The following WNT5B variants were observed in gnomAD, a reference collection of about 807,000 sequenced individuals.
WNT5B encodes Wnt family member 5B.
A neutral mutation model predicts 36.5 loss-of-function variants in WNT5B; 18 were observed. The observed-to-expected ratio is 0.49, with a 90% CI of 0.34 to 0.73. The LOEUF (loss-of-function observed/expected upper bound fraction) is 0.73. Ranked by LOEUF, WNT5B falls within the 30% of genes least tolerant of loss-of-function variation. The pLI is 0.01. For synonymous variants in WNT5B, 213 were observed against 212.3 expected (o/e 1.00, Z -0.03); for missense variants, 424 against 508.4 (o/e 0.83, Z 1.60).
chr12:1,636,778 T>G (rs1440408158), intron 3 of WNT5B, among the ~76,000 whole-genome samples: 1 of 151,324 alleles, frequency 6.6e-6, no homozygotes, highest in East Asian at 1.9e-4. Flanking sequence ...TGCAATGGTG[T>G]GATCTCGGCT....
rs145110731 is a variant in WNT5B at position 1,636,857 on chromosome 12, A to G, written c.329-2827A>G. Among the ~76,000 whole-genome samples the G allele has an allele frequency of 3.3e-3, 499 of 152,038 alleles. 11 individuals are homozygous for G. The East Asian group carries it at 0.036, about 11-fold the overall frequency. ...CAGCCTCCTGAGTAGCTGGGATTACAGGCGCCCGCCTGGCTAGTTTTTGTA... is the reference window on the plus strand; with the variant it reads ...CAGCCTCCTGAGTAGCTGGGATTACGGGCGCCCGCCTGGCTAGTTTTTGTA... On this transcript the variant is annotated intron_variant, in intron 3 of 4. Coordinates refer to ENST00000397196, the MANE Select transcript of WNT5B (RefSeq NM_032642.3).
chr12:1,618,694 T>A lies in WNT5B; in HGVS notation c.-58+1551T>A, dbSNP rs1351685730. ...CAGAATAAGACTTCCAGTGGACTTTTGCTTGATACCTGGGGAGAAAATTGT... is the reference window on the plus strand; with the variant it reads ...CAGAATAAGACTTCCAGTGGACTTTAGCTTGATACCTGGGGAGAAAATTGT... On this transcript the variant is annotated intron_variant, in intron 1 of 4. Coordinates refer to the WNT5B transcript ENST00000310594. The surrounding 1 kb of genome is among the most constrained non-coding windows in gnomAD (Gnocchi z 4.1). Among the ~76,000 whole-genome samples the A allele has an allele frequency of 6.6e-6, 1 of 152,200 alleles. No individual in the cohort carries two copies. The highest frequency in any genetic ancestry group is 1.5e-5 in the Non-Finnish European group (1 of 68,030).
rs2094553014 is a variant in WNT5B, at chr12:1,632,634, C to G, written c.81-24C>G. ...TATGCTCACTCCTGGGCCTTTTTTT[C>G]CCCTTTCTGGATTGCTGTCCTAGGT... On this transcript the variant is annotated intron_variant, in intron 2 of 4. Transcript: ENST00000397196. The surrounding 1 kb of genome is among the most constrained non-coding windows in gnomAD (Gnocchi z 5.8). 1 of 1,577,668 alleles carries G rather than the reference C, an allele frequency of 6.3e-7. No individual in the cohort carries two copies. Among genetic ancestry groups the G allele is most frequent in the Admixed American group, 1.8e-5 (1 of 56,050 alleles).
At chr12:1,634,925 C>T (rs1362695845) in intron 3 of WNT5B, among the ~76,000 whole-genome samples, 1 of 152,188 alleles carries the variant, frequency 6.6e-6, no homozygotes. Flanking sequence ...GACGCATGTC[C>T]CTCTAGTAGC....
Position 1,646,277 on chromosome 12 carries a change from C to T in WNT5B, c.*25C>T. 6.3e-7 allele frequency: 1 copy of T among 1,575,126 alleles called. No homozygotes were observed. ...GCCCGGAGGGCCTGCTCCCGGCCCC[C>T]CTGCACTCTGCCTCACAAAGGTCTA... On this transcript the variant is annotated 3_prime_UTR_variant, in exon 5 of 5. Transcript: ENST00000397196.
At chr12:1,635,750 C>T (rs1435365022) in intron 3 of WNT5B, among the ~76,000 whole-genome samples, 1 of 152,246 alleles carries the variant, frequency 6.6e-6, no homozygotes, top group African/African-American at 2.4e-5. Context: ...GCTCTTTGGC[C>T]ATCTTACCAT....
chr12:1,639,711 C>G lies in WNT5B; in HGVS notation c.356C>G (p.Ala119Gly), dbSNP rs759186540. The change falls in exon 4 of 5, where the codon GCG becomes GGG. Residue 119 changes from alanine (A) to glycine (G), a missense_variant. By Grantham distance (60) the Ala-to-Gly change is moderately conservative (BLOSUM62 0). Coordinates refer to ENST00000397196, the MANE Select transcript of WNT5B (RefSeq NM_032642.3). Reference sequence around the variant, plus strand: ...AGCCGAGAGACCGCCTTCACCCACGCGGTGAGCGCCGCGGGCGTGGTCAAC... The same window carrying G: ...AGCCGAGAGACCGCCTTCACCCACGGGGTGAGCGCCGCGGGCGTGGTCAAC... ...IGSRETAFTH[A>G]VSAAGVVNAI... The G allele has an allele frequency of 1.9e-6, 3 of 1,582,808 alleles. No individual in the cohort carries two copies. Among genetic ancestry groups the G allele is most frequent in the East Asian group, 4.6e-5 (2 of 43,748 alleles).
chr12:1,645,810 C>T lies in WNT5B; in HGVS notation c.638C>T (p.Ala213Val), dbSNP rs2094584199. The T allele has an allele frequency of 6.3e-7, 1 of 1,587,976 alleles. No individual in the cohort carries two copies. The highest frequency in any genetic ancestry group is 8.6e-7 in the Non-Finnish European group (1 of 1,164,970). The stretch of plus-strand genomic sequence containing the variant: ...TTCCCCTAGGCTGTGTATAAGATGG[C>T]AGACGTAGCCTGCAAATGCCACGGC... ...EAGRRAVYKM[A>V]DVACKCHGVS... Residue 213 changes from alanine to valine, a missense_variant, in exon 5 of 5, where the codon GCA becomes GTA. Transcript: ENST00000397196.
chr12:1,634,612 T>TC (rs903768831), intron 3 of WNT5B, among the ~76,000 whole-genome samples: 1 of 152,144 alleles, frequency 6.6e-6, no homozygotes, highest in African/African-American at 2.4e-5. Context: ...TGCCTAATTT[T>TC]CCCCCTTCCT....
rs376524231 is a variant in WNT5B, at chr12:1,632,594, T to A, written c.81-64T>A. ...TAAATGTGTTGAATGAATGACTTAA[T>A]GCTGCACACAGGCGTATGCTCACTC... On this transcript the variant is annotated intron_variant, in intron 2 of 4. Coordinates refer to ENST00000397196, the MANE Select transcript of WNT5B (RefSeq NM_032642.3). This position sits in a 1 kb window ranked among gnomAD's most constrained non-coding sequence, Gnocchi z 5.8. 3.3e-6 allele frequency: 5 copies of A among 1,532,354 alleles called. No homozygotes were observed. Among genetic ancestry groups the A allele is most frequent in the African/African-American group, 1.4e-5 (1 of 72,578 alleles). 94.9% of individuals were successfully genotyped at this position (1,532,354 alleles called of 1,614,324 possible). A position where few individuals can be genotyped will look rare whatever the true frequency, so the allele number is the denominator to read the frequency against.
In WNT5B at chr12:1,633,099, G is replaced by T. The variant is rs1051211058; in HGVS notation, c.328+194G>T. Among the ~76,000 whole-genome samples, 13 of 152,160 alleles carry T rather than the reference G, an allele frequency of 8.5e-5. No homozygotes were observed. The highest frequency in any genetic ancestry group is 1.9e-4 in the Non-Finnish European group (13 of 68,032). ...CTCTGGGAGGCTGCAGAAACCACAC[G>T]CTTGATGTTCCTCTAGCTCTCTGCC... On this transcript the variant is annotated intron_variant, in intron 3 of 4. Transcript: ENST00000397196. The surrounding 1 kb of genome is among the most constrained non-coding windows in gnomAD (Gnocchi z 4.8).
In WNT5B at chr12:1,633,926, C is replaced by T. The variant is rs989847070; in HGVS notation, c.328+1021C>T. ...CTCTGTCCCATATTGAGAAGTAATGCCCAATGCAGTAGCTCACGCCTGTAA... is the reference window on the plus strand; with the variant it reads ...CTCTGTCCCATATTGAGAAGTAATGTCCAATGCAGTAGCTCACGCCTGTAA... On this transcript the variant is annotated intron_variant, in intron 3 of 4. Coordinates refer to ENST00000397196, the MANE Select transcript of WNT5B (RefSeq NM_032642.3). The surrounding 1 kb of genome is among the most constrained non-coding windows in gnomAD (Gnocchi z 4.8). 1.3e-5 allele frequency among the ~76,000 whole-genome samples: 2 copies of T among 152,144 alleles called. No homozygotes were observed. The highest frequency in any genetic ancestry group is 2.4e-5 in the African/African-American group (1 of 41,434).
intron 3 of WNT5B, among the ~76,000 whole-genome samples, chr12:1,639,246 T>C (rs1036723975): frequency 6.6e-6 from 1 of 151,212 alleles, no homozygotes; most frequent in Non-Finnish European, 1.5e-5. Context: ...CACGCCATTC[T>C]CCTGCCTCAG....
rs957294269 is a variant in WNT5B at position 1,633,873 on chromosome 12, A to C, written c.328+968A>C. Among the ~76,000 whole-genome samples, 7 of 152,144 alleles carry C rather than the reference A, an allele frequency of 4.6e-5. No individual in the cohort carries two copies. In the East Asian group the frequency reaches 1.4e-3, roughly 29 times the overall value. ...ACTTGGAAGGCTCCTTCCCCCTCCCACTTATTCCAGACCTCTTTCCCTACC... is the reference window on the plus strand; with the variant it reads ...ACTTGGAAGGCTCCTTCCCCCTCCCCCTTATTCCAGACCTCTTTCCCTACC... On this transcript the variant is annotated intron_variant, in intron 3 of 4. Coordinates refer to ENST00000397196, the MANE Select transcript of WNT5B (RefSeq NM_032642.3). The surrounding 1 kb of genome is among the most constrained non-coding windows in gnomAD (Gnocchi z 4.8).
chr12:1,645,762 TCCTTCTTACTG>T, intron 4 of WNT5B, 21 bp from the exon 5 acceptor site: 1 of 1,539,148 alleles, frequency 6.5e-7, no homozygotes, highest in Non-Finnish European at 8.8e-7. Context: ...ACCGGGATCC[TCCTTCTTACTG>T]CCTTCTTTCT....
At chr12:1,617,634 AAAAAG>A (rs2094528598) in intron 1 of WNT5B, among the ~76,000 whole-genome samples, 1 of 152,180 alleles carries the variant, frequency 6.6e-6, no homozygotes, top group South Asian at 2.1e-4. Context: ...CTATCTCAAA[AAAAAG>A]AAAAGAAAAA....
At position 1,618,254 on chromosome 12, in the gene WNT5B, C is replaced by T. The variant is rs781295046; in HGVS notation, c.-58+1111C>T. On this transcript the variant is annotated intron_variant, in intron 1 of 4. Transcript: ENST00000310594. This position sits in a 1 kb window ranked among gnomAD's most constrained non-coding sequence, Gnocchi z 4.1. The stretch of plus-strand genomic sequence containing the variant: ...CCATTTTGCAAACACAGTAGTACCT[C>T]TACTTGGTAGCACAAGACACATTTT... Among the ~76,000 whole-genome samples, 3 of 152,188 alleles carry T rather than the reference C, an allele frequency of 2.0e-5. No individual in the cohort carries two copies. Among genetic ancestry groups the T allele is most frequent in the Admixed American group, 6.5e-5 (1 of 15,280 alleles).
chr12:1,636,263 A>G (rs935478020), intron 3 of WNT5B, among the ~76,000 whole-genome samples: 3 of 151,920 alleles, frequency 2.0e-5, no homozygotes, highest in Admixed American at 6.6e-5. Flanking sequence ...CTGTGCAACT[A>G]TCAGCACTGT....
At chr12:1,628,578 G>A (rs1361320124), upstream of WNT5B, among the ~76,000 whole-genome samples, 1 of 152,200 alleles carries the variant, frequency 6.6e-6, no homozygotes, top group Non-Finnish European at 1.5e-5. Flanking sequence ...TACACAAGGA[G>A]AGCCTCCCCT....
Sources: gnomAD v4.1 joint callset for allele counts (sites outside exome capture counted in the v4.1 genomes callset) on GRCh38, gnomAD v4.1.1 for gene constraint, Gnocchi (gnomAD v3.1) non-coding constraint, MANE v1.5 for transcripts, NCBI Gene and HGNC (gene_info 2026-07-23, HGNC 2026-07-21) for gene names.